Variants in IGSF21 observed in about 807,000 individuals in gnomAD.
IGSF21 encodes immunoglobulin superfamily member 21.
Under a neutral mutation model 46.8 loss-of-function variants are expected in IGSF21, and 28 were observed. The observed-to-expected ratio is 0.60, with a 90% CI of 0.44 to 0.82. The LOEUF is 0.82. IGSF21 is among the 40% of genes least tolerant of loss of function. The probability of loss-of-function intolerance (pLI) is 0.00; values close to 1 mark genes in which losing one functional copy is unlikely to be tolerated. For missense variants in IGSF21, 624 were observed against 665.5 expected, an observed-to-expected ratio of 0.94 and a Z score of 0.69; for synonymous variants, 284 against 273.6, an observed-to-expected ratio of 1.04 and a Z score of -0.38.
chr1:18,329,202 G>T (rs2085686991), intron 3 of IGSF21, among the ~76,000 whole-genome samples: 1 of 150,884 alleles, frequency 6.6e-6, no homozygotes, highest in Non-Finnish European at 1.5e-5. Flanking sequence ...TTCAAATCAT[G>T]CCACCTACTC....
chr1:18,121,349 C>A (rs1436804954), intron 1 of IGSF21, among the ~76,000 whole-genome samples: 3 of 152,184 alleles, frequency 2.0e-5, no homozygotes, highest in Non-Finnish European at 1.5e-5. Flanking sequence ...CTCAGGAAAA[C>A]TTCCACCGGC....
chr1:18,214,360 G>A (rs2084421611), intron 1 of IGSF21, among the ~76,000 whole-genome samples: 1 of 152,166 alleles, frequency 6.6e-6, no homozygotes, highest in South Asian at 2.1e-4. Context: ...ACCTGTTAGG[G>A]GAGGTGAGAA....
intron 3 of IGSF21, among the ~76,000 whole-genome samples, chr1:18,294,190 C>T (rs1190580888): frequency 6.6e-6 from 1 of 152,162 alleles, no homozygotes; most frequent in Non-Finnish European, 1.5e-5. Context: ...AGTTGAGTTT[C>T]CTGACCTCCA....
intron 1 of IGSF21, among the ~76,000 whole-genome samples, chr1:18,182,781 G>A (rs979178761): frequency 6.6e-6 from 1 of 152,226 alleles, no homozygotes; most frequent in African/African-American, 2.4e-5. Flanking sequence ...CATCCGTATA[G>A]GGGTGGGAAC....
intron 2 of IGSF21, among the ~76,000 whole-genome samples, chr1:18,289,081 C>T (rs886839068): frequency 2.0e-5 from 3 of 151,872 alleles, no homozygotes; most frequent in Non-Finnish European, 4.4e-5. Context: ...GTATTTTCCT[C>T]GTAATAAAAC....
chr1:18,258,456 T>A (rs951379835), intron 2 of IGSF21, among the ~76,000 whole-genome samples: 3 of 152,174 alleles, frequency 2.0e-5, no homozygotes, highest in Admixed American at 1.3e-4. Flanking sequence ...CCCAGTAGGA[T>A]GGTAGAAGGA....
At chr1:18,194,492 TC>T (rs2086988768) in intron 1 of IGSF21, among the ~76,000 whole-genome samples, 1 of 152,208 alleles carries the variant, frequency 6.6e-6, no homozygotes, top group African/African-American at 2.4e-5. Context: ...TTCTGCCTCT[TC>T]CAGCTTCTGG....
chr1:18,159,889 G>A (rs2086601412), intron 1 of IGSF21, among the ~76,000 whole-genome samples: 1 of 152,038 alleles, frequency 6.6e-6, no homozygotes, highest in South Asian at 2.1e-4. Flanking sequence ...CATCACATTG[G>A]GCAGGCTGGT....
At position 18,323,973 on chromosome 1, in the gene IGSF21, G is replaced by A. The variant is rs573024447; in HGVS notation, c.306-10919G>A. Among the ~76,000 whole-genome samples the A allele has an allele frequency of 1.1e-3, 164 of 152,134 alleles. 1 individual carries two copies. The highest frequency in any genetic ancestry group is 3.5e-3 in the African/African-American group (147 of 41,514). On this transcript the variant is annotated intron_variant, in intron 3 of 9. Coordinates refer to ENST00000251296, the MANE Select transcript of IGSF21 (RefSeq NM_032880.5). ...AGCTCTTAGGTAGTGGGGCTTTTCCGGAGGCTCCAGGCCCCCTGTCCAGCG... is the reference window on the plus strand; with the variant it reads ...AGCTCTTAGGTAGTGGGGCTTTTCCAGAGGCTCCAGGCCCCCTGTCCAGCG...
chr1:18,365,340 C>G lies in IGSF21; in HGVS notation c.658C>G (p.Leu220Val). The G allele has an allele frequency of 1.2e-6, 2 of 1,614,150 alleles. No individual in the cohort carries two copies. The highest frequency in any genetic ancestry group is 1.7e-6 in the Non-Finnish European group (2 of 1,180,032). The part of the protein sequence containing the change: ...RPFRSLLHRD[L>V]DDTKMQKSLS... Reference sequence around the variant, plus strand: ...CTTCCGCAGCCTTCTGCACCGTGACCTGGATGACACCAAGATGCAGAAGTC... The same window carrying G: ...CTTCCGCAGCCTTCTGCACCGTGACGTGGATGACACCAAGATGCAGAAGTC... The change falls in exon 6 of 10, where the codon CTG (leucine) becomes GTG (valine). Residue 220 changes from leucine to valine, a missense_variant. Leu to Val is a conservative substitution (Grantham distance 32, BLOSUM62 1). Coordinates refer to ENST00000251296, the MANE Select transcript of IGSF21 (RefSeq NM_032880.5). This position sits in a 1 kb window ranked among gnomAD's most constrained non-coding sequence, Gnocchi z 4.8.
intron 6 of IGSF21, among the ~76,000 whole-genome samples, chr1:18,372,056 G>T (rs72938799): frequency 0.026 from 3,986 of 152,252 alleles, 177 homozygotes; most frequent in African/African-American, 0.089. Flanking sequence ...GAATGCTGGT[G>T]TAACCACCAC....
intron 1 of IGSF21, among the ~76,000 whole-genome samples, chr1:18,170,341 T>C (rs983158712): frequency 1.3e-5 from 2 of 152,020 alleles, no homozygotes; most frequent in Non-Finnish European, 2.9e-5. Flanking sequence ...TCCAGATTTG[T>C]ATAAGACAAA....
intron 1 of IGSF21, among the ~76,000 whole-genome samples, chr1:18,173,394 T>C (rs1208253067): frequency 6.6e-6 from 1 of 152,258 alleles, no homozygotes; most frequent in African/African-American, 2.4e-5. Flanking sequence ...GACAAATGTA[T>C]GCAGTTGTGT....
chr1:18,225,083 T>TCACA (rs1309548249), intron 1 of IGSF21, among the ~76,000 whole-genome samples: 8 of 54,856 alleles, frequency 1.5e-4, no homozygotes, highest in African/African-American at 4.6e-4. Context: ...TCTCTCTCTC[T>TCACA]CTCACACACA....
chr1:18,195,694 A>G (rs1237539284), intron 1 of IGSF21, among the ~76,000 whole-genome samples: 2 of 152,138 alleles, frequency 1.3e-5, no homozygotes, highest in African/African-American at 4.8e-5. Context: ...TGCACCTAAC[A>G]CAGGCAGCGG....
chr1:18,303,745 T>C (rs1269770313), intron 3 of IGSF21, among the ~76,000 whole-genome samples: 3 of 152,254 alleles, frequency 2.0e-5, no homozygotes, highest in Non-Finnish European at 2.9e-5. Context: ...CCCATGGAGC[T>C]GACATTCCCA....
chr1:18,249,564 C>T (rs961391476), intron 2 of IGSF21, among the ~76,000 whole-genome samples: 9 of 152,228 alleles, frequency 5.9e-5, no homozygotes, highest in South Asian at 4.2e-4. Flanking sequence ...AGAGCTCAGC[C>T]GGCACAGTTA....
rs563434084 is a variant in IGSF21, at chr1:18,135,568, A to G, written c.70+27370A>G. On this transcript the variant is annotated intron_variant, in intron 1 of 9. Coordinates refer to ENST00000251296, the MANE Select transcript of IGSF21 (RefSeq NM_032880.5). Reference sequence around the variant, plus strand: ...AGAATGATGGTTTCCAGCTTCATCCATGTCCCTACAAAGGATGTGAACTCA... The same window carrying G: ...AGAATGATGGTTTCCAGCTTCATCCGTGTCCCTACAAAGGATGTGAACTCA... Among the ~76,000 whole-genome samples, 10 of 152,242 alleles carry G rather than the reference A, an allele frequency of 6.6e-5. No homozygotes were observed. In the South Asian group the frequency reaches 1.7e-3, roughly 25 times the overall value.
intron 1 of IGSF21, among the ~76,000 whole-genome samples, chr1:18,205,947 T>A (rs924390784): frequency 6.6e-6 from 1 of 152,230 alleles, no homozygotes. Context: ...TACCTCATCA[T>A]AGGCCTTATA....
Sources: gnomAD v4.1 joint callset for allele counts (sites outside exome capture counted in the v4.1 genomes callset) on GRCh38, gnomAD v4.1.1 for gene constraint, Gnocchi (gnomAD v3.1) non-coding constraint, MANE v1.5 for transcripts, NCBI Gene and HGNC (gene_info 2026-07-23, HGNC 2026-07-21) for gene names.